MEI4: variants seen among roughly 807,000 people sequenced by gnomAD.
MEI4 encodes the protein meiotic double-stranded break formation protein 4, also known as meiosis-specific protein MEI4.
In MEI4, 27 loss-of-function variants were observed where a neutral mutation model predicts 31.4. That is an observed-to-expected ratio of 0.86 (90% CI 0.63 to 1.19). The LOEUF is 1.19. Ranked by LOEUF, MEI4 falls within the 50% of genes most tolerant of loss-of-function variation. The pLI is 0.00. For missense variants in MEI4, 329 were observed against 398.9 expected, an observed-to-expected ratio of 0.82 and a Z score of 1.49; for synonymous variants, 122 against 145.4, an observed-to-expected ratio of 0.84 and a Z score of 1.16.
At chr6:77,804,735 T>C (rs1769383508) in intron 3 of MEI4, among the ~76,000 whole-genome samples, 1 of 152,224 alleles carries the variant, frequency 6.6e-6, no homozygotes, top group African/African-American at 2.4e-5. Flanking sequence ...ATCTACGTGA[T>C]GGAGTTCAGA....
intron 4 of MEI4, among the ~76,000 whole-genome samples, chr6:77,852,454 G>T (rs1463078688): frequency 6.6e-6 from 1 of 151,976 alleles, no homozygotes. Flanking sequence ...ACCATACTTT[G>T]GGAATTTCCC....
At chr6:77,689,392 T>G (rs1380976877) in intron 1 of MEI4, among the ~76,000 whole-genome samples, 1 of 152,096 alleles carries the variant, frequency 6.6e-6, no homozygotes, top group Non-Finnish European at 1.5e-5. Flanking sequence ...GATGAACATA[T>G]TTTATACAGA....
chr6:77,737,374 G>T lies in MEI4; in HGVS notation c.233-23756G>T, dbSNP rs115065177. ...TTACTTTGGCATGGAAATAAAAGAG[G>T]TGCTGGTATTTTTAAAAGATTTTTA... On this transcript the variant is annotated intron_variant, in intron 2 of 4. Transcript: ENST00000684080. 5.9e-3 allele frequency among the ~76,000 whole-genome samples: 897 copies of T among 152,230 alleles called. 11 individuals are homozygous for T. The highest frequency in any genetic ancestry group is 0.021 in the African/African-American group (863 of 41,526).
At chr6:77,911,595 T>C (rs749081364) in intron 4 of MEI4, among the ~76,000 whole-genome samples, 47 of 151,866 alleles carry the variant, frequency 3.1e-4, no homozygotes, top group Non-Finnish European at 6.0e-4. Context: ...ATTAATTTGC[T>C]TAGGTAATGG....
chr6:77,855,677 G>A (rs1359489685), intron 4 of MEI4, among the ~76,000 whole-genome samples: 1 of 152,116 alleles, frequency 6.6e-6, no homozygotes, highest in Admixed American at 6.6e-5. Flanking sequence ...ACATTATTAA[G>A]GAAACACATC....
chr6:77,724,936 T>C (rs2127664735), intron 2 of MEI4, among the ~76,000 whole-genome samples: 1 of 144,866 alleles, frequency 6.9e-6, no homozygotes, highest in South Asian at 2.2e-4. Context: ...ATTATACCGC[T>C]TCCAGGGGCA....
chr6:77,661,457 A>G (rs1031903816), intron 1 of MEI4, among the ~76,000 whole-genome samples: 4 of 152,156 alleles, frequency 2.6e-5, no homozygotes, highest in Non-Finnish European at 5.9e-5. Flanking sequence ...GTCTACCCAG[A>G]CTAAGAGATA....
intron 1 of MEI4, among the ~76,000 whole-genome samples, chr6:77,666,876 T>TGTGTGTGC (rs1554208077): frequency 8.2e-6 from 1 of 122,034 alleles, no homozygotes; most frequent in East Asian, 3.5e-4. Context: ...TGTGTGTGTG[T>TGTGTGTGC]GTGTGTGCGT....
intron 4 of MEI4, among the ~76,000 whole-genome samples, chr6:77,859,916 C>A (rs1399291566): frequency 3.9e-5 from 6 of 152,254 alleles, no homozygotes; most frequent in Middle Eastern, 6.8e-3. Flanking sequence ...TGATCAAAAG[C>A]CAGATGCAAA....
chr6:77,712,829 G>A (rs916998161), intron 2 of MEI4, among the ~76,000 whole-genome samples: 1 of 152,118 alleles, frequency 6.6e-6, no homozygotes, highest in South Asian at 2.1e-4. Flanking sequence ...AAACTAGCCG[G>A]GTGTGGTGGT....
chr6:77,795,858 C>A (rs1769061643), intron 3 of MEI4, among the ~76,000 whole-genome samples: 1 of 151,844 alleles, frequency 6.6e-6, no homozygotes, highest in Non-Finnish European at 1.5e-5. Flanking sequence ...TAATGCCAGT[C>A]ATTTTTCCAA....
intron 1 of MEI4, among the ~76,000 whole-genome samples, chr6:77,659,781 G>A (rs1290389822): frequency 1.3e-5 from 2 of 152,148 alleles, no homozygotes; most frequent in Non-Finnish European, 2.9e-5. Context: ...TTTCAGTGAT[G>A]TGTGTAGTTG....
intron 2 of MEI4, among the ~76,000 whole-genome samples, chr6:77,695,690 G>A (rs1387414492): frequency 1.3e-5 from 2 of 152,188 alleles, no homozygotes; most frequent in South Asian, 2.1e-4. Flanking sequence ...TTTGAAGTCA[G>A]GTAGCATGAT....
intron 3 of MEI4, among the ~76,000 whole-genome samples, chr6:77,782,954 G>C (rs927510058): frequency 9.9e-5 from 15 of 152,060 alleles, no homozygotes; most frequent in Non-Finnish European, 1.6e-4. Flanking sequence ...TAGAGCTTTT[G>C]CCTGAAAATA....
At chr6:77,909,553 G>T (rs888774942) in intron 4 of MEI4, among the ~76,000 whole-genome samples, 11 of 152,106 alleles carry the variant, frequency 7.2e-5, no homozygotes, top group Non-Finnish European at 1.5e-4. Flanking sequence ...CTCTGAAATT[G>T]AGGCAATATT....
chr6:77,788,382 AGTGTT>A (rs1768808403), intron 3 of MEI4, among the ~76,000 whole-genome samples: 1 of 152,198 alleles, frequency 6.6e-6, no homozygotes, highest in Admixed American at 6.5e-5. Context: ...TATTCAACAT[AGTGTT>A]GGAAGTTCTG....
In MEI4 at chr6:77,685,079, G is replaced by A. The variant is rs116946834; in HGVS notation, c.-14-5579G>A. 9.9e-5 allele frequency among the ~76,000 whole-genome samples: 15 copies of A among 152,250 alleles called. No homozygotes were observed. The East Asian group carries it at 2.9e-3, about 29-fold the overall frequency. ...TGAGACGATATCTAATTGTAGTTTTGATTTGCGTTTCTCTGATAATCAGTG... is the reference window on the plus strand; with the variant it reads ...TGAGACGATATCTAATTGTAGTTTTAATTTGCGTTTCTCTGATAATCAGTG... On this transcript the variant is annotated intron_variant, in intron 1 of 4. Coordinates refer to ENST00000684080, the MANE Select transcript of MEI4 (RefSeq NM_001322247.2).
chr6:77,670,980 C>T (rs1768727568), intron 1 of MEI4, among the ~76,000 whole-genome samples: 1 of 150,470 alleles, frequency 6.6e-6, no homozygotes, highest in South Asian at 2.1e-4. Context: ...GTGGTCTGAT[C>T]ATCAAAAAGC....
chr6:77,755,825 GGTGTGTGT>G lies in MEI4; in HGVS notation c.233-5282_233-5275del, dbSNP rs34181852. 6.1e-4 allele frequency among the ~76,000 whole-genome samples: 88 copies of G among 145,262 alleles called. No homozygotes were observed. The East Asian group carries it at 0.016, about 27-fold the overall frequency. On this transcript the variant is annotated intron_variant, in intron 2 of 4. Transcript: ENST00000684080. ...AATATGTGTCAAATTGTGCTGGAAT[GGTGTGTGT>G]GTGTGTGTGTGTGTGTGTGTGTATT...
Sources: gnomAD v4.1 joint callset for allele counts (sites outside exome capture counted in the v4.1 genomes callset) on GRCh38, gnomAD v4.1.1 for gene constraint, MANE v1.5 for transcripts, NCBI Gene and HGNC (gene_info 2026-07-23, HGNC 2026-07-21) for gene names.